The following VPS53 variants were observed in gnomAD, a reference collection of about 807,000 sequenced individuals.
The protein encoded by VPS53 is VPS53 subunit of GARP complex.
VPS53 carries 70 observed loss-of-function variants against 107.0 expected under a neutral mutation model. The ratio of observed to expected loss-of-function variants is 0.65; its 90% CI spans 0.54 to 0.80. The LOEUF is 0.80. VPS53 is among the 30% of genes least tolerant of loss of function. The probability of loss-of-function intolerance (pLI) is 0.00; values close to 1 mark genes in which losing one functional copy is unlikely to be tolerated. For synonymous variants in VPS53, 409 were observed against 393.3 expected (o/e 1.04, Z -0.47); for missense variants, 917 against 1,049.4 (o/e 0.87, Z 1.74).
intron 15 of VPS53, among the ~76,000 whole-genome samples, chr17:554,994 T>A (rs1912205313): frequency 6.6e-6 from 1 of 152,224 alleles, no homozygotes; most frequent in Admixed American, 6.5e-5. Context: ...GAGAGTTATT[T>A]AGTGAACAAA....
intron 13 of VPS53, among the ~76,000 whole-genome samples, chr17:565,846 T>G (rs1023155400): frequency 1.1e-4 from 17 of 152,152 alleles, no homozygotes; most frequent in African/African-American, 4.1e-4. Flanking sequence ...GCAACTTCTG[T>G]CATCTGCCAC....
At chr17:533,221 C>T (rs769811970) in intron 18 of VPS53, among the ~76,000 whole-genome samples, 1 of 152,160 alleles carries the variant, frequency 6.6e-6, no homozygotes. Flanking sequence ...GGAATATGAT[C>T]GAAGCTAGCC....
chr17:628,340 C>T, intron 8 of VPS53, 109 bp from the exon 9 acceptor site: 1 of 1,260,028 alleles, frequency 7.9e-7, no homozygotes. Flanking sequence ...CTTACTCCTG[C>T]TCCTTCACAC....
intron 13 of VPS53, among the ~76,000 whole-genome samples, chr17:567,354 C>A (rs1913619266): frequency 6.6e-6 from 1 of 152,212 alleles, no homozygotes; most frequent in African/African-American, 2.4e-5. Flanking sequence ...TGCCTTCCAT[C>A]TTTCACCCTG....
At chr17:707,844 CAA>C (rs10708313) in intron 2 of VPS53, among the ~76,000 whole-genome samples, 77 of 126,970 alleles carry the variant, frequency 6.1e-4, no homozygotes, top group South Asian at 1.8e-3. Context: ...AACTCTCTTT[CAA>C]AAAAAAAAAA....
rs534062749 is a variant in VPS53, at chr17:673,116, A to C, written c.286-11221T>G. On this transcript the variant is annotated intron_variant, in intron 4 of 21. Coordinates refer to ENST00000437048, the MANE Select transcript of VPS53 (RefSeq NM_001128159.3). ...CACAGAGCAAGATTCCGTCGCAAAA[A>C]AAAAACAAAAACAAAAACAAAAAAA... Among the ~76,000 whole-genome samples, 60 of 149,936 alleles carry C rather than the reference A, an allele frequency of 4.0e-4. 2 individuals are homozygous for C. The highest frequency in any genetic ancestry group is 3.2e-3 in the South Asian group (15 of 4,748).
chr17:651,277 TAAAGGG>T (rs947587062), intron 7 of VPS53, among the ~76,000 whole-genome samples: 1 of 152,190 alleles, frequency 6.6e-6, no homozygotes, highest in African/African-American at 2.4e-5. Context: ...GAAGTCTAGG[TAAAGGG>T]AACTTAGGTT....
chr17:555,044 C>G (rs558503524), intron 15 of VPS53, among the ~76,000 whole-genome samples: 46 of 152,318 alleles, frequency 3.0e-4, no homozygotes, highest in Admixed American at 1.3e-3. Flanking sequence ...AAACAATCTA[C>G]ATGTGTATTT....
At chr17:594,529 GT>G (rs1265535540) in intron 12 of VPS53, among the ~76,000 whole-genome samples, 1 of 150,546 alleles carries the variant, frequency 6.6e-6, no homozygotes, top group East Asian at 2.0e-4. Context: ...GCACTCTAGT[GT>G]CCCCCCTGGA....
rs1270126228 is a variant in VPS53 at position 661,828 on chromosome 17, G to A, written c.353C>T (p.Ala118Val). ...FGKIKDIKDK[A>V]EKSEQMVKEI... ...ACTCACCATTTGCTCTGATTTTTCA[G>A]CTTTGTCTTTGATATCTTTGATTTT... The change falls in exon 5 of 22, where the codon GCT becomes GTT. Residue 118 changes from alanine (A) to valine (V), a missense_variant. Physicochemically the swap from Ala to Val is moderately conservative, Grantham distance 64. Coordinates refer to ENST00000437048, the MANE Select transcript of VPS53 (RefSeq NM_001128159.3). 1 of 1,552,196 alleles carries A rather than the reference G, an allele frequency of 6.4e-7. No individual in the cohort carries two copies. The highest frequency in any genetic ancestry group is 8.7e-7 in the Non-Finnish European group (1 of 1,147,078).
intron 18 of VPS53, among the ~76,000 whole-genome samples, chr17:535,901 T>C (rs754689531): frequency 4.6e-5 from 7 of 151,996 alleles, no homozygotes; most frequent in African/African-American, 7.2e-5. Context: ...CTGGGAGAGA[T>C]TGGGGGAAGA....
At chr17:586,474 A>G (rs1259229274) in intron 12 of VPS53, 110 bp from the exon 13 acceptor site, 1 of 1,057,412 alleles carries the variant, frequency 9.5e-7, no homozygotes. Context: ...CAGATAAGAG[A>G]GTACTCAATG....
intron 7 of VPS53, among the ~76,000 whole-genome samples, chr17:642,048 G>T (rs1207889054): frequency 6.6e-6 from 1 of 152,200 alleles, no homozygotes; most frequent in Non-Finnish European, 1.5e-5. Context: ...TATGAACATT[G>T]TTCAGATATC....
intron 13 of VPS53, among the ~76,000 whole-genome samples, chr17:572,191 C>T (rs1347953095): frequency 2.7e-5 from 4 of 150,218 alleles, no homozygotes; most frequent in African/African-American, 9.8e-5. Context: ...GCCTTTGCCC[C>T]GCCGCCCCGT....
chr17:649,783 G>T (rs1485692938), intron 7 of VPS53, among the ~76,000 whole-genome samples: 23 of 152,260 alleles, frequency 1.5e-4, no homozygotes, highest in Admixed American at 1.5e-3. Context: ...CAGAGAAATG[G>T]AACAGGCAAC....
intron 10 of VPS53, among the ~76,000 whole-genome samples, chr17:623,906 T>TA (rs1250901630): frequency 6.6e-6 from 1 of 151,978 alleles, no homozygotes; most frequent in Non-Finnish European, 1.5e-5. Flanking sequence ...TCATGGATGA[T>TA]ATATATATAC....
chr17:672,174 A>ACTCTCTCTCTCTCTCTCTCTCT (rs1567727983), intron 4 of VPS53, among the ~76,000 whole-genome samples: 19 of 40,276 alleles, frequency 4.7e-4, no homozygotes, highest in Middle Eastern at 0.014. Context: ...ACACAATCTC[A>ACTCTCTCTCTCTCTCTCTCTCT]ATCTCTCTCT....
intron 18 of VPS53, among the ~76,000 whole-genome samples, chr17:534,871 T>C (rs901847118): frequency 6.6e-6 from 1 of 151,360 alleles, no homozygotes; most frequent in African/African-American, 2.4e-5. Flanking sequence ...TGAGCTGTGG[T>C]TGCACCACTG....
intron 4 of VPS53, among the ~76,000 whole-genome samples, chr17:676,785 C>T (rs1972178403): frequency 6.6e-6 from 1 of 151,250 alleles, no homozygotes; most frequent in Admixed American, 6.6e-5. Flanking sequence ...TTTCTAAGGT[C>T]AGGAAGGAAA....
Sources: allele counts gnomAD v4.1 joint callset (sites outside exome capture counted in the v4.1 genomes callset), GRCh38; gene constraint gnomAD v4.1.1; transcripts MANE v1.5; gene names NCBI Gene and HGNC (gene_info 2026-07-23, HGNC 2026-07-21).